The following MAGI1 variants were observed in gnomAD, a reference collection of about 807,000 sequenced individuals.
MAGI1 encodes membrane associated guanylate kinase, WW and PDZ domain containing 1, also known as membrane-associated guanylate kinase, WW and PDZ domain-containing protein 1.
MAGI1 carries 58 observed loss-of-function variants against 139.9 expected under a neutral mutation model. The ratio of observed to expected loss-of-function variants is 0.41; its 90% confidence interval spans 0.34 to 0.52. The LOEUF (loss-of-function observed/expected upper bound fraction) is 0.52, where lower values mean the gene tolerates loss of function less well. MAGI1 is among the 20% of genes least tolerant of loss of function. The pLI is 0.12. For synonymous variants in MAGI1, 812 were observed against 737.9 expected, an observed-to-expected ratio of 1.10 and a Z score of -1.63; for missense variants, 1,874 against 1,901.6, an observed-to-expected ratio of 0.99 and a Z score of 0.27.
At chr3:65,611,191 A>C (rs2106938919) in intron 2 of MAGI1, among the ~76,000 whole-genome samples, 1 of 141,560 alleles carries the variant, frequency 7.1e-6, no homozygotes, top group South Asian at 2.2e-4. Context: ...CACATATGGT[A>C]TATATGTGTG....
intron 1 of MAGI1, among the ~76,000 whole-genome samples, chr3:66,025,435 T>C (rs1258974422): frequency 6.6e-6 from 1 of 152,002 alleles, no homozygotes; most frequent in African/African-American, 2.4e-5. Flanking sequence ...AGCTAGTCAG[T>C]AGGCTGGGAT....
chr3:65,743,043 C>T (rs766364830), intron 1 of MAGI1, among the ~76,000 whole-genome samples: 70 of 152,014 alleles, frequency 4.6e-4, no homozygotes, highest in Non-Finnish European at 7.6e-4. Flanking sequence ...AAGAAAGAGA[C>T]CCTACATGAC....
intron 1 of MAGI1, among the ~76,000 whole-genome samples, chr3:65,727,892 G>A (rs2033785339): frequency 6.6e-6 from 1 of 152,140 alleles, no homozygotes; most frequent in Admixed American, 6.5e-5. Flanking sequence ...TACTTTTAAG[G>A]ATGATATATC....
intron 1 of MAGI1, among the ~76,000 whole-genome samples, chr3:65,815,620 G>A (rs2041550751): frequency 6.6e-6 from 1 of 151,938 alleles, no homozygotes; most frequent in Admixed American, 6.5e-5. Context: ...TTTTAAAATA[G>A]CATATTCTAT....
chr3:65,429,476 T>C (rs371355554), intron 12 of MAGI1, 44 bp downstream of exon 12: 17 of 1,535,248 alleles, frequency 1.1e-5, no homozygotes, highest in Admixed American at 2.1e-5. Context: ...AGCAATGAAT[T>C]TGGGATAAAA....
At chr3:65,407,900 A>G (rs530737342) in intron 12 of MAGI1, among the ~76,000 whole-genome samples, 3 of 152,318 alleles carry the variant, frequency 2.0e-5, no homozygotes, top group South Asian at 4.1e-4. Flanking sequence ...TTAAAAAACA[A>G]CTGGAGTTTG....
intron 2 of MAGI1, among the ~76,000 whole-genome samples, chr3:65,565,204 T>C (rs1216308876): frequency 6.6e-6 from 1 of 152,220 alleles, no homozygotes; most frequent in Non-Finnish European, 1.5e-5. Context: ...AAGACATCTT[T>C]TTCCATTCCC....
At position 65,869,370 on chromosome 3, in the gene MAGI1, G is replaced by T. The variant is rs1253653953; in HGVS notation, c.313+168626C>A. ...ATCCCAAAGGCAAGACTGGTTTTTT[G>T]TTGTTGTTGTTGTTGTTGTTGTTGT... On this transcript the variant is annotated intron_variant, in intron 1 of 22. Coordinates refer to ENST00000402939, the MANE Select transcript of MAGI1 (RefSeq NM_001033057.2). Among the ~76,000 whole-genome samples the T allele has an allele frequency of 5.3e-4, 19 of 35,718 alleles. No homozygotes were observed. The East Asian group carries it at 5.8e-3, about 11-fold the overall frequency. The allele number at this position is 35,718 out of a possible 152,430, so 23.4% of individuals were successfully genotyped here.
At chr3:65,585,308 C>A (rs896157341) in intron 2 of MAGI1, among the ~76,000 whole-genome samples, 1 of 152,120 alleles carries the variant, frequency 6.6e-6, no homozygotes, top group African/African-American at 2.4e-5. Context: ...TTGTGCAATG[C>A]ATTAAAATGT....
chr3:65,493,147 G>T (rs1952177474), intron 3 of MAGI1, among the ~76,000 whole-genome samples: 1 of 150,628 alleles, frequency 6.6e-6, no homozygotes, highest in South Asian at 2.1e-4. Flanking sequence ...CAGTAGGAAA[G>T]TGATATTTTA....
At chr3:65,610,095 A>C (rs2106923701) in intron 2 of MAGI1, 1 of 152,304 alleles carries the variant, frequency 6.6e-6, no homozygotes, top group African/African-American at 2.4e-5. Context: ...CATGTTCCTT[A>C]GATATCTAAC....
intron 1 of MAGI1, among the ~76,000 whole-genome samples, chr3:65,936,802 G>C (rs1028599628): frequency 3.3e-5 from 5 of 152,042 alleles, no homozygotes; most frequent in Non-Finnish European, 7.4e-5. Flanking sequence ...CACAATCACA[G>C]CTCACTGCAA....
At chr3:65,685,712 A>C (rs1299225306) in intron 1 of MAGI1, among the ~76,000 whole-genome samples, 1 of 152,184 alleles carries the variant, frequency 6.6e-6, no homozygotes, top group African/African-American at 2.4e-5. Flanking sequence ...ATTTTAGTAA[A>C]AATAAGGCTT....
chr3:65,689,182 C>T (rs1489305691), intron 1 of MAGI1, among the ~76,000 whole-genome samples: 6 of 152,220 alleles, frequency 3.9e-5, no homozygotes, highest in Non-Finnish European at 8.8e-5. Flanking sequence ...GAGCACTTCC[C>T]TTGAACAATC....
chr3:65,367,841 T>C (rs1941585350), intron 18 of MAGI1, among the ~76,000 whole-genome samples: 1 of 152,186 alleles, frequency 6.6e-6, no homozygotes, highest in Non-Finnish European at 1.5e-5. Context: ...AAAGAAATAA[T>C]TTTATTTTAC....
At chr3:65,576,648 G>A (rs1308809551) in intron 2 of MAGI1, among the ~76,000 whole-genome samples, 3 of 152,056 alleles carry the variant, frequency 2.0e-5, no homozygotes, top group Non-Finnish European at 4.4e-5. Flanking sequence ...ATTTTGTCTT[G>A]CATTTAAGTA....
intron 1 of MAGI1, among the ~76,000 whole-genome samples, chr3:65,693,780 G>A (rs1007911026): frequency 6.6e-5 from 10 of 152,248 alleles, no homozygotes; most frequent in African/African-American, 2.4e-4. Flanking sequence ...CTGGAGTGCA[G>A]TGGCACGATC....
intron 2 of MAGI1, among the ~76,000 whole-genome samples, chr3:65,608,045 A>G (rs1279974121): frequency 6.6e-6 from 1 of 152,258 alleles, no homozygotes; most frequent in Admixed American, 6.5e-5. Context: ...AGCAGCTCAA[A>G]AAGGTTAGAC....
intron 1 of MAGI1, among the ~76,000 whole-genome samples, chr3:65,994,268 C>A (rs2066325543): frequency 1.0e-5 from 1 of 95,982 alleles, no homozygotes; most frequent in African/African-American, 3.8e-5. Context: ...AGCAAGACTC[C>A]ATCTCAAAAA....
Sources: gnomAD v4.1 joint callset for allele counts (sites outside exome capture counted in the v4.1 genomes callset) on GRCh38, gnomAD v4.1.1 for gene constraint, MANE v1.5 for transcripts, NCBI Gene and HGNC (gene_info 2026-07-23, HGNC 2026-07-21) for gene names.